The following CEACAM1 variants were observed in gnomAD, a reference collection of about 807,000 sequenced individuals.
The protein encoded by CEACAM1 is CEA cell adhesion molecule 1, also known as cell adhesion molecule CEACAM1.
In CEACAM1, 31 loss-of-function variants were observed where a neutral mutation model predicts 49.1. The ratio of observed to expected loss-of-function variants is 0.63; its 90% confidence interval spans 0.47 to 0.85. The LOEUF (loss-of-function observed/expected upper bound fraction) is 0.85, where lower values mean the gene tolerates loss of function less well. Among genes scored for constraint, CEACAM1 ranks in the 40% least tolerant of loss-of-function variants. The pLI is 0.00. For missense variants in CEACAM1, 570 were observed against 645.3 expected, an observed-to-expected ratio of 0.88 and a Z score of 1.26; for synonymous variants, 244 against 247.8, an observed-to-expected ratio of 0.98 and a Z score of 0.14.
intron 2 of CEACAM1, among the ~76,000 whole-genome samples, chr19:42,524,351 G>A (rs1239397122): frequency 6.6e-6 from 1 of 152,220 alleles, no homozygotes; most frequent in African/African-American, 2.4e-5. Flanking sequence ...GAACAGGGAT[G>A]GAGTTAGGAG....
At chr19:42,520,176 A>G (rs962295006) in intron 4 of CEACAM1, among the ~76,000 whole-genome samples, 1 of 152,170 alleles carries the variant, frequency 6.6e-6, no homozygotes, top group African/African-American at 2.4e-5. Context: ...GGCATTGCCC[A>G]TTCTCTCCAA....
chr19:42,509,286 G>T, intron 8 of CEACAM1, 58 bp from the exon 9 acceptor site: 1 of 1,541,504 alleles, frequency 6.5e-7, no homozygotes, highest in Non-Finnish European at 8.7e-7. Context: ...GCCTCACCTT[G>T]CCTGGTGTGA....
chr19:42,528,201 G>A (rs1004017833), intron 1 of CEACAM1, 110 bp downstream of exon 1: 1 of 833,446 alleles, frequency 1.2e-6, no homozygotes, highest in Non-Finnish European at 1.9e-6. Context: ...CTCCTATTTG[G>A]CTCCAAGAGA....
Position 42,515,080 on chromosome 19 carries a change from G to C in CEACAM1, c.1247-2601C>G, listed in dbSNP as rs889133007. 6.0e-6 allele frequency: 4 copies of C among 664,370 alleles called. No individual in the cohort carries two copies. In the African/African-American group the frequency reaches 7.2e-5, roughly 12 times the overall value. 41.2% of individuals were successfully genotyped at this position (664,370 alleles called of 1,614,324 possible). A position where few individuals can be genotyped will look rare whatever the true frequency, so the allele number is the denominator to read the frequency against. ...GCCCAGGAGTTCGAGTCCAGCCTGG[G>C]TAACATGGTGAGATTCTGTCTCTCT... is the stretch of plus-strand genomic sequence containing the variant. On this transcript the variant is annotated intron_variant, in intron 5 of 8. Transcript: ENST00000161559.
intron 2 of CEACAM1, 107 bp downstream of exon 2, chr19:42,526,934 G>T (rs2041905708): frequency 1.3e-6 from 2 of 1,513,330 alleles, no homozygotes; most frequent in African/African-American, 2.8e-5. Context: ...ACCTTAACAT[G>T]GGGTATAATG....
At chr19:42,514,877 C>A (rs980508570) in intron 5 of CEACAM1, 1 of 506,872 alleles carries the variant, frequency 2.0e-6, no homozygotes, top group South Asian at 2.8e-5. Context: ...GATTTCAAGG[C>A]TAATGATAAT....
In CEACAM1 at chr19:42,508,917, A is replaced by G. The variant is rs1347044277; in HGVS notation, c.*192T>C. On this transcript the variant is annotated 3_prime_UTR_variant, in exon 9 of 9. Coordinates refer to ENST00000161559, the MANE Select transcript of CEACAM1 (RefSeq NM_001712.5). ...AGGTTGGGTTTCCTACAGACTCCCA[A>G]TGTACTTTCATCTATTGACACTGAG... 1.6e-5 allele frequency: 9 copies of G among 576,534 alleles called. 1 individual carries two copies. In the Admixed American group the frequency reaches 2.1e-4, roughly 13 times the overall value. The allele number at this position is 576,534 out of a possible 1,614,324, so 35.7% of individuals were successfully genotyped here.
intron 5 of CEACAM1, among the ~76,000 whole-genome samples, chr19:42,512,767 T>A (rs1313352680): frequency 1.3e-5 from 2 of 151,582 alleles, no homozygotes; most frequent in African/African-American, 4.9e-5. Context: ...AACCTCCGCC[T>A]CCCAGGTTCA....
chr19:42,518,708 G>C, intron 5 of CEACAM1: 2 of 506,030 alleles, frequency 4.0e-6, no homozygotes, highest in Non-Finnish European at 7.1e-6. Flanking sequence ...CACCATATTA[G>C]CCAGGATGGT....
chr19:42,527,628 C>G (rs970666701), intron 1 of CEACAM1: 3 of 567,878 alleles, frequency 5.3e-6, no homozygotes, highest in Non-Finnish European at 8.6e-6. Context: ...ATGCCCTTCC[C>G]CAGGGATCCG....
intron 5 of CEACAM1, among the ~76,000 whole-genome samples, chr19:42,514,422 C>T (rs139823515): frequency 1.4e-3 from 218 of 152,200 alleles, no homozygotes; most frequent in African/African-American, 4.4e-3. Flanking sequence ...TGAGCCACCA[C>T]GCCCACCCAC....
At chr19:42,517,649 C>T (rs1213274138) in intron 5 of CEACAM1, among the ~76,000 whole-genome samples, 1 of 152,126 alleles carries the variant, frequency 6.6e-6, no homozygotes, top group East Asian at 1.9e-4. Context: ...TTAGGATGGC[C>T]ATTATAAAAA....
rs1167748301 is a variant in CEACAM1 at position 42,527,390 on chromosome 19, T to G, written c.75A>C (p.Leu25=). 6.2e-7 allele frequency: 1 copy of G among 1,600,948 alleles called. No homozygotes were observed. The highest frequency in any genetic ancestry group is 8.5e-7 in the Non-Finnish European group (1 of 1,173,176). The change falls in exon 2 of 9, where the codon CTA becomes CTC. Residue 25 remains leucine, a synonymous_variant. Transcript: ENST00000161559. ...CAGTGGTGGGCGGGTTCCAGAAGGT[T>G]AGAAGTGAGGCTAGGAGAGAGGAGA... ...WQGLLLTASL[L]TFWNPPTTAQ...
chr19:42,512,602 G>T, intron 5 of CEACAM1, 123 bp from the exon 6 acceptor site: 2 of 961,776 alleles, frequency 2.1e-6, no homozygotes, highest in East Asian at 2.6e-5. Context: ...GTTTCGTTGT[G>T]GGAAGGTTGC....
intron 2 of CEACAM1, among the ~76,000 whole-genome samples, chr19:42,523,322 G>A (rs1268485438): frequency 1.3e-5 from 2 of 152,226 alleles, no homozygotes; most frequent in African/African-American, 4.8e-5. Flanking sequence ...GACACCAGGG[G>A]CAAGCCTGAA....
chr19:42,528,223 C>G, intron 1 of CEACAM1, 88 bp downstream of exon 1: 1 of 1,137,446 alleles, frequency 8.8e-7, no homozygotes, highest in Non-Finnish European at 1.3e-6. Flanking sequence ...GCCCTCTGTC[C>G]CCTCTTAGAG....
chr19:42,511,281 A>C, intron 7 of CEACAM1: 1 of 572,144 alleles, frequency 1.7e-6, no homozygotes, highest in East Asian at 2.9e-5. Context: ...CCACATCCGT[A>C]ATAGAGGCAG....
intron 1 of CEACAM1, 23 bp downstream of exon 1, chr19:42,528,288 T>A (rs754932090): frequency 3.1e-6 from 5 of 1,610,208 alleles, no homozygotes; most frequent in Non-Finnish European, 4.2e-6. Context: ...TTTCCGCCCC[T>A]TCCCAGGGTG....
chr19:42,526,966 C>T (rs2041906385), intron 2 of CEACAM1, 75 bp downstream of exon 2: 6 of 1,566,380 alleles, frequency 3.8e-6, no homozygotes, highest in Admixed American at 1.9e-5. Flanking sequence ...ACAGGCACAG[C>T]CCAGGCCTGA....
Sources: gnomAD v4.1 joint callset for allele counts (sites outside exome capture counted in the v4.1 genomes callset) on GRCh38, gnomAD v4.1.1 for gene constraint, MANE v1.5 for transcripts, NCBI Gene and HGNC (gene_info 2026-07-23, HGNC 2026-07-21) for gene names.